The following SNURF variants were observed in gnomAD, a reference collection of about 807,000 sequenced individuals.
SNURF encodes the protein SNURF protein.
Under a neutral mutation model 11.6 loss-of-function variants are expected in SNURF, and 6 were observed. The ratio of observed to expected loss-of-function variants is 0.52; its 90% CI spans 0.28 to 1.02. The LOEUF (loss-of-function observed/expected upper bound fraction) is 1.02. SNURF is among the 50% of genes least tolerant of loss of function. The pLI is 0.09. For missense variants in SNURF, 84 were observed against 88.4 expected (o/e 0.95, Z 0.20); for synonymous variants, 29 against 31.6 (o/e 0.92, Z 0.27).
intron 2 of SNURF, among the ~76,000 whole-genome samples, chr15:24,963,618 A>C (rs956852620): frequency 1.6e-5 from 2 of 125,034 alleles, no homozygotes; most frequent in Non-Finnish European, 3.2e-5. Flanking sequence ...CCATCTCAGG[A>C]AAAAAAAAAA....
intron 1 of SNURF, chr15:24,958,904 A>C (rs2074318153): frequency 6.5e-6 from 1 of 153,408 alleles, no homozygotes; most frequent in Non-Finnish European, 1.5e-5. Flanking sequence ...TTTTTTGTAG[A>C]GAGGGGTCTC....
intron 3 of SNURF, chr15:24,975,096 A>G (rs928054325): frequency 4.7e-6 from 3 of 643,232 alleles, no homozygotes; most frequent in Middle Eastern, 2.5e-4. Flanking sequence ...GACAGTTTAG[A>G]GCATGCATCG....
At chr15:24,975,293 C>T in intron 3 of SNURF, 3 of 1,299,784 alleles carry the variant, frequency 2.3e-6, no homozygotes, top group East Asian at 2.3e-5. Flanking sequence ...GGAGAAGAAA[C>T]AGGAGAAGAT....
chr15:24,956,734 C>T (rs1208391244), intron 1 of SNURF, among the ~76,000 whole-genome samples: 2 of 152,184 alleles, frequency 1.3e-5, no homozygotes, highest in African/African-American at 2.4e-5. Flanking sequence ...GCGCAGGCTC[C>T]GCCTAGCAAG....
rs952088734 is a variant in SNURF at position 24,976,737 on chromosome 15, G to T, written c.*310-140G>T. ...CACAAGATACCTCCATGGTATACTT[G>T]CTTGTTTGTTCATTTGGACACAGAA... On this transcript the variant is annotated intron_variant and NMD_transcript_variant, in intron 5 of 6. Coordinates refer to the SNURF transcript ENST00000580062. 5 of 751,444 alleles carry T rather than the reference G, an allele frequency of 6.7e-6. No homozygotes were observed. The Admixed American group carries it at 1.1e-4, about 17-fold the overall frequency. 46.5% of individuals were successfully genotyped at this position (751,444 alleles called of 1,614,324 possible). A position where few individuals can be genotyped will look rare whatever the true frequency, so the allele number is the denominator to read the frequency against.
chr15:24,974,568 C>T, intron 3 of SNURF: 1 of 985,136 alleles, frequency 1.0e-6, no homozygotes, highest in South Asian at 1.3e-5. Context: ...AAGGATACAT[C>T]CATGGATATG....
intron 2 of SNURF, among the ~76,000 whole-genome samples, chr15:24,966,616 T>C (rs1207869554): frequency 1.3e-5 from 2 of 152,138 alleles, no homozygotes; most frequent in African/African-American, 2.4e-5. Flanking sequence ...AGAACTCAGG[T>C]GTGATCCTAG....
At chr15:24,978,133 A>G, downstream of SNURF, 1 of 1,559,014 alleles carries the variant, frequency 6.4e-7, no homozygotes, top group South Asian at 1.1e-5. Context: ...TATTTGGGCT[A>G]AATTCTAACT....
rs577537796 is a variant in SNURF, at chr15:24,963,735, T to C, written c.110+1526T>C. ...AGTTTGTGTGTCTTTTGTTATTTCC[T>C]CATTTTATATGTGAAAAGTTGAGCT... On this transcript the variant is annotated intron_variant, in intron 2 of 2. Transcript: ENST00000577949. 2.0e-5 allele frequency among the ~76,000 whole-genome samples: 3 copies of C among 152,214 alleles called. No individual in the cohort carries two copies. The South Asian group carries it at 6.2e-4, about 32-fold the overall frequency.
At chr15:24,973,308 C>G (rs1435757878), downstream of SNURF, among the ~76,000 whole-genome samples, 4 of 152,148 alleles carry the variant, frequency 2.6e-5, no homozygotes, top group African/African-American at 9.7e-5. Flanking sequence ...TCTGTGTATC[C>G]TCTAGGTTTG....
At chr15:24,960,030 C>T (rs559408777) in intron 1 of SNURF, among the ~76,000 whole-genome samples, 5 of 151,768 alleles carry the variant, frequency 3.3e-5, no homozygotes, top group Admixed American at 6.6e-5. Flanking sequence ...TTTGGGAGGC[C>T]GAGGTGGGTA....
intron 1 of SNURF, 145 bp from the exon 2 acceptor site, chr15:24,961,969 T>G: frequency 1.3e-6 from 1 of 793,000 alleles, no homozygotes; most frequent in Non-Finnish European, 2.1e-6. Context: ...GTTTGAAGGT[T>G]AAAGATCTTG....
rs999455566 is a variant in SNURF at position 24,962,020 on chromosome 15, T to A, written c.15-94T>A. 2.9e-6 allele frequency: 3 copies of A among 1,045,022 alleles called. No individual in the cohort carries two copies. The African/African-American group carries it at 4.8e-5, about 17-fold the overall frequency. 64.7% of individuals were successfully genotyped at this position (1,045,022 alleles called of 1,614,324 possible). A position where few individuals can be genotyped will look rare whatever the true frequency, so the allele number is the denominator to read the frequency against. The stretch of plus-strand genomic sequence containing the variant: ...GTTTTAATTAGATTTAAAAATCCAT[T>A]ATATTAAATGTAGTTCTAAATATAA... On this transcript the variant is annotated intron_variant, in intron 1 of 2. Transcript: ENST00000577949.
In SNURF at chr15:24,955,652, GACC is replaced by G. The variant is rs1408559577; in HGVS notation, c.14+592_14+594del. Among the ~76,000 whole-genome samples, 595 of 146,688 alleles carry G rather than the reference GACC, an allele frequency of 4.1e-3. 4 individuals carry two copies. The highest frequency in any genetic ancestry group is 0.014 in the African/African-American group (559 of 39,490). On this transcript the variant is annotated intron_variant, in intron 1 of 2. Coordinates refer to ENST00000577949, the Ensembl canonical transcript of SNURF. The stretch of plus-strand genomic sequence containing the variant: ...CCGAGGCGAGGAGGCTATGGCAGTG[GACC>G]AGGGGGATGAGTCGGTGTGACAGTG...
At chr15:24,961,164 CATT>C (rs749991206) in intron 1 of SNURF, among the ~76,000 whole-genome samples, 26 of 152,196 alleles carry the variant, frequency 1.7e-4, no homozygotes, top group East Asian at 1.5e-3. Context: ...AAGTAATAAA[CATT>C]ATCAGTGTAT....
At chr15:24,973,131 C>T (rs552561106), downstream of SNURF, among the ~76,000 whole-genome samples, 787 of 152,188 alleles carry the variant, frequency 5.2e-3, 5 homozygotes, top group African/African-American at 0.018. Flanking sequence ...TCAGGTGATC[C>T]GCCCACCTCG....
chr15:24,961,694 T>C (rs1440351893), intron 1 of SNURF, among the ~76,000 whole-genome samples: 2 of 152,332 alleles, frequency 1.3e-5, no homozygotes, highest in East Asian at 3.9e-4. Flanking sequence ...TATTCCACTA[T>C]ATAAGTATGT....
exon 6 of SNURF, chr15:24,976,957 T>G: frequency 6.2e-7 from 1 of 1,606,364 alleles, no homozygotes; most frequent in Non-Finnish European, 8.5e-7. Context: ...GAGTACCAGC[T>G]GGTGTGCCAA....
intron 2 of SNURF, among the ~76,000 whole-genome samples, chr15:24,963,627 AAAAG>A (rs923342929): frequency 3.3e-5 from 5 of 152,206 alleles, no homozygotes; most frequent in Admixed American, 1.3e-4. Flanking sequence ...GAAAAAAAAA[AAAAG>A]AAAATGCAGT....
Sources: allele counts gnomAD v4.1 joint callset (sites outside exome capture counted in the v4.1 genomes callset), GRCh38; gene constraint gnomAD v4.1.1; transcripts MANE v1.5; gene names NCBI Gene and HGNC (gene_info 2026-07-23, HGNC 2026-07-21).